Variants in AK4 observed in about 807,000 individuals in gnomAD.
AK4 encodes the protein adenylate kinase 4, also known as adenylate kinase 4, mitochondrial.
AK4 carries 13 observed loss-of-function variants against 24.6 expected under a neutral mutation model. The ratio of observed to expected loss-of-function variants is 0.53; its 90% confidence interval spans 0.34 to 0.84. AK4 has a LOEUF of 0.84. Ranked by LOEUF, AK4 falls within the 40% of genes least tolerant of loss-of-function variation. AK4 has a pLI of 0.01. For synonymous variants in AK4, 88 were observed against 107.0 expected (o/e 0.82, Z 1.10); for missense variants, 192 against 288.2 (o/e 0.67, Z 2.42).
At chr1:65,223,610 A>G (rs1652362406) in intron 3 of AK4, among the ~76,000 whole-genome samples, 1 of 152,176 alleles carries the variant, frequency 6.6e-6, no homozygotes, top group Admixed American at 6.5e-5. Context: ...CTTTATTATA[A>G]TGTCCTTCAT....
At chr1:65,179,939 T>G (rs535377786) in intron 1 of AK4, among the ~76,000 whole-genome samples, 1 of 152,332 alleles carries the variant, frequency 6.6e-6, no homozygotes, top group East Asian at 1.9e-4. Flanking sequence ...GCAGCATCAT[T>G]CCAAGACCTT....
chr1:65,224,928 C>A, intron 4 of AK4, 58 bp downstream of exon 4: 2 of 1,358,262 alleles, frequency 1.5e-6, no homozygotes, highest in Non-Finnish European at 2.1e-6. Context: ...GTGGAGCCTG[C>A]TGGGAGGAAC....
At chr1:65,204,444 AC>A (rs1000572202) in intron 2 of AK4, among the ~76,000 whole-genome samples, 1 of 152,058 alleles carries the variant, frequency 6.6e-6, no homozygotes, top group African/African-American at 2.4e-5. Context: ...CAAGTGACCC[AC>A]CCGCTTTGGC....
At chr1:65,185,648 G>A (rs12563581) in intron 1 of AK4, among the ~76,000 whole-genome samples, 14,063 of 147,096 alleles carry the variant, frequency 0.096, 1,574 homozygotes, top group African/African-American at 0.27. Flanking sequence ...TTTTGAGATG[G>A]AGTCTTGCTC....
At chr1:65,200,023 AAG>A (rs1385298365) in intron 2 of AK4, among the ~76,000 whole-genome samples, 1 of 116,562 alleles carries the variant, frequency 8.6e-6, no homozygotes, top group African/African-American at 4.4e-5. Context: ...ATAGTGCACT[AAG>A]AGAGACCACA....
chr1:65,176,837 C>G (rs532171654), intron 1 of AK4, among the ~76,000 whole-genome samples: 2 of 152,262 alleles, frequency 1.3e-5, no homozygotes, highest in African/African-American at 4.8e-5. Flanking sequence ...GTAGTAGTTC[C>G]TGGTGTCATA....
chr1:65,203,073 A>G (rs1002142151), intron 2 of AK4, among the ~76,000 whole-genome samples: 6 of 151,820 alleles, frequency 4.0e-5, no homozygotes, highest in African/African-American at 7.3e-5. Flanking sequence ...GGATTTTGCT[A>G]TGTTGCCCAG....
chr1:65,190,655 C>G (rs1279875101), intron 1 of AK4, 55 bp from the exon 2 acceptor site: 2 of 1,588,016 alleles, frequency 1.3e-6, no homozygotes, highest in Admixed American at 3.5e-5. Context: ...AGTTGGTAAG[C>G]TTTGTGTTTG....
At chr1:65,186,032 T>C (rs1032344116) in intron 1 of AK4, among the ~76,000 whole-genome samples, 2 of 152,136 alleles carry the variant, frequency 1.3e-5, no homozygotes, top group Non-Finnish European at 2.9e-5. Flanking sequence ...CTATAATAAC[T>C]CTCCAAGATG....
At chr1:65,191,753 A>G (rs1651315968) in intron 2 of AK4, among the ~76,000 whole-genome samples, 1 of 151,998 alleles carries the variant, frequency 6.6e-6, no homozygotes, top group East Asian at 1.9e-4. Context: ...ATATGATCAT[A>G]TTTCTCTCAG....
At chr1:65,186,224 C>G (rs1651096453) in intron 1 of AK4, among the ~76,000 whole-genome samples, 1 of 152,194 alleles carries the variant, frequency 6.6e-6, no homozygotes, top group Non-Finnish European at 1.5e-5. Context: ...CAACCTCTGC[C>G]TCTTGGGTTC....
rs1462764466 is a variant in AK4 at position 65,228,951 on chromosome 1, T to C, written c.*2774T>C. The C allele has an allele frequency of 6.6e-6, 1 of 152,200 alleles. No homozygotes were observed. Among genetic ancestry groups the C allele is most frequent in the African/African-American group, 2.4e-5 (1 of 41,446 alleles). 9.4% of individuals were successfully genotyped at this position (152,200 alleles called of 1,614,324 possible). The stretch of plus-strand genomic sequence containing the variant: ...ACGCAGACTTAAGATAGGTACTGTT[T>C]ATTGAAAACCTACTGAGTGAAATGT... On this transcript the variant is annotated 3_prime_UTR_variant, in exon 5 of 5. Transcript: ENST00000327299.
chr1:65,217,446 T>C (rs1014439600), intron 2 of AK4, among the ~76,000 whole-genome samples: 2 of 152,340 alleles, frequency 1.3e-5, no homozygotes, highest in Admixed American at 6.5e-5. Context: ...CTCTTCTGGA[T>C]GTTGCATCTT....
At chr1:65,210,717 G>A (rs1311596186) in intron 2 of AK4, among the ~76,000 whole-genome samples, 1 of 152,012 alleles carries the variant, frequency 6.6e-6, no homozygotes, top group Admixed American at 6.6e-5. Context: ...TCTCAAACCT[G>A]CTGTTTGTCT....
At chr1:65,208,935 A>G (rs1460850135) in intron 2 of AK4, among the ~76,000 whole-genome samples, 1 of 152,224 alleles carries the variant, frequency 6.6e-6, no homozygotes, top group African/African-American at 2.4e-5. Flanking sequence ...CACTGCTGGG[A>G]ACACAATACC....
intron 3 of AK4, among the ~76,000 whole-genome samples, chr1:65,222,815 A>G (rs1652336991): frequency 6.6e-6 from 1 of 152,168 alleles, no homozygotes; most frequent in Non-Finnish European, 1.5e-5. Flanking sequence ...TATCCAGTTG[A>G]GTTGCCTGTG....
Position 65,161,106 on chromosome 1 carries a change from T to A in AK4, c.145+12554T>A, listed in dbSNP as rs190530115. On this transcript the variant is annotated intron_variant, in intron 1 of 4. Transcript: ENST00000327299. The stretch of plus-strand genomic sequence containing the variant: ...GTTCTGTCCCTAAAACATTTTTTTT[T>A]AAAAAACCTAAAAAAGGAAGCACTG... Among the ~76,000 whole-genome samples the A allele has an allele frequency of 7.2e-4, 109 of 152,050 alleles. No individual in the cohort carries two copies. The East Asian group carries it at 7.7e-3, about 11-fold the overall frequency.
intron 2 of AK4, among the ~76,000 whole-genome samples, chr1:65,214,915 G>A (rs1557466818): frequency 6.6e-6 from 1 of 152,142 alleles, no homozygotes; most frequent in African/African-American, 2.4e-5. Context: ...GAGGCGACTT[G>A]TTCTTCAAAG....
intron 3 of AK4, among the ~76,000 whole-genome samples, chr1:65,219,218 T>C (rs1386353278): frequency 6.6e-6 from 1 of 151,490 alleles, no homozygotes; most frequent in Admixed American, 6.6e-5. Context: ...ATTTATTTTA[T>C]TTAAAAAATA....
Sources: gnomAD v4.1 joint callset for allele counts (sites outside exome capture counted in the v4.1 genomes callset) on GRCh38, gnomAD v4.1.1 for gene constraint, MANE v1.5 for transcripts, NCBI Gene and HGNC (gene_info 2026-07-23, HGNC 2026-07-21) for gene names.